PPEF2: variants seen among roughly 807,000 people sequenced by gnomAD.
PPEF2 encodes protein phosphatase with EF-hand domain 2.
A neutral mutation model predicts 84.7 loss-of-function variants in PPEF2; 84 were observed. The observed-to-expected ratio is 0.99, with a 90% CI of 0.83 to 1.19. PPEF2 has a LOEUF of 1.19. Ranked by LOEUF, PPEF2 falls within the 50% of genes most tolerant of loss-of-function variation. The pLI is 0.00. For missense variants in PPEF2, 924 were observed against 937.5 expected, an observed-to-expected ratio of 0.99 and a Z score of 0.19; for synonymous variants, 346 against 345.2, an observed-to-expected ratio of 1.00 and a Z score of -0.03.
chr4:75,870,612 G>T (rs1724244012), intron 13 of PPEF2, among the ~76,000 whole-genome samples: 1 of 152,150 alleles, frequency 6.6e-6, no homozygotes, highest in Non-Finnish European at 1.5e-5. Flanking sequence ...CATCTTCGTT[G>T]TAGGAGGCAA....
At chr4:75,895,344 G>A (rs1157700434) in intron 2 of PPEF2, among the ~76,000 whole-genome samples, 3 of 151,550 alleles carry the variant, frequency 2.0e-5, no homozygotes, top group African/African-American at 4.9e-5. Flanking sequence ...CAGGAGAATC[G>A]CTTGAACCCA....
chr4:75,860,799 G>A lies in PPEF2; in HGVS notation c.2130C>T (p.Gly710=), dbSNP rs754076408. Residue 710 remains glycine (G), a synonymous_variant, in exon 17 of 17, where the codon GGC becomes GGT. Coordinates refer to ENST00000286719, the MANE Select transcript of PPEF2 (RefSeq NM_006239.3). The part of the protein sequence containing the change: ...LARSIDFNKD[G]HIDINEFLEA... ...CCAGGAACTCATTGATATCAATGTG[G>A]CCATCTTTGTTGAAATCAATGCTCC... is the stretch of plus-strand genomic sequence containing the variant. 1 of 1,614,212 alleles carries A rather than the reference G, an allele frequency of 6.2e-7. No homozygotes were observed. The highest frequency in any genetic ancestry group is 1.1e-5 in the South Asian group (1 of 91,082).
chr4:75,891,906 C>A lies in PPEF2; in HGVS notation c.128G>T (p.Cys43Phe). The A allele has an allele frequency of 3.7e-6, 6 of 1,614,094 alleles. No individual in the cohort carries two copies. Among genetic ancestry groups the A allele is most frequent in the Non-Finnish European group, 5.1e-6 (6 of 1,179,984 alleles). The change falls in exon 3 of 17, where the codon TGC becomes TTC. Residue 43 changes from cysteine to phenylalanine, a missense_variant. By Grantham distance (205) the Cys-to-Phe change is radical. Coordinates refer to ENST00000286719, the MANE Select transcript of PPEF2 (RefSeq NM_006239.3). ...YVARLEMRRR[C>F]TWSIFQSIEY... Reference sequence around the variant, plus strand: ...TATAGACTGGAAGATGCTCCAGGTGCAACGCCGCCTCATCTCCAGGCGGGC... The same window carrying A: ...TATAGACTGGAAGATGCTCCAGGTGAAACGCCGCCTCATCTCCAGGCGGGC...
At chr4:75,867,160 T>C (rs1260612778) in intron 14 of PPEF2, among the ~76,000 whole-genome samples, 153 bp downstream of exon 14, 1 of 152,196 alleles carries the variant, frequency 6.6e-6, no homozygotes, top group African/African-American at 2.4e-5. Context: ...TTAGAATAAA[T>C]GAGACATTAA....
intron 14 of PPEF2, 81 bp from the exon 15 acceptor site, chr4:75,866,433 C>T (rs887858503): frequency 1.8e-5 from 28 of 1,513,826 alleles, no homozygotes; most frequent in Non-Finnish European, 2.5e-5. Context: ...TTTATCCTGA[C>T]ATCCTTCTTA....
At chr4:75,891,115 A>C (rs1724869475) in intron 4 of PPEF2, among the ~76,000 whole-genome samples, 1 of 151,598 alleles carries the variant, frequency 6.6e-6, no homozygotes, top group Admixed American at 6.6e-5. Context: ...CGGGAGGTAG[A>C]GGTTGCAGTG....
chr4:75,877,853 C>G (rs969851260), intron 10 of PPEF2, among the ~76,000 whole-genome samples: 2 of 151,890 alleles, frequency 1.3e-5, no homozygotes, highest in Non-Finnish European at 2.9e-5. Flanking sequence ...AAAACCTGGT[C>G]CTTCACATAT....
chr4:75,895,918 A>T lies in PPEF2; in HGVS notation c.55+353T>A, dbSNP rs151072509. ...AATTGTTAGATTGGCCACTAGAGGG[A>T]GCTCATGCTTCCTTCTTCCCACCTC... is the stretch of plus-strand genomic sequence containing the variant. On this transcript the variant is annotated intron_variant, in intron 2 of 16. Coordinates refer to ENST00000286719, the MANE Select transcript of PPEF2 (RefSeq NM_006239.3). Among the ~76,000 whole-genome samples the T allele has an allele frequency of 1.3e-4, 20 of 151,822 alleles. No individual in the cohort carries two copies. In the East Asian group the frequency reaches 3.7e-3, roughly 28 times the overall value.
intron 1 of PPEF2, among the ~76,000 whole-genome samples, chr4:75,901,393 A>G (rs969987872): frequency 6.6e-6 from 1 of 151,966 alleles, no homozygotes; most frequent in African/African-American, 2.4e-5. Flanking sequence ...GCACATGCCT[A>G]TAATACCAGC....
chr4:75,883,122 C>G, intron 9 of PPEF2, 44 bp downstream of exon 9: 2 of 1,613,454 alleles, frequency 1.2e-6, no homozygotes, highest in Non-Finnish European at 1.7e-6. Flanking sequence ...ATTCACTCAA[C>G]TTATCTGAAC....
chr4:75,891,805 G>A (rs1475539606), intron 3 of PPEF2, 46 bp downstream of exon 3: 1 of 1,599,918 alleles, frequency 6.3e-7, no homozygotes, highest in Non-Finnish European at 8.6e-7. Flanking sequence ...GAGCCCTGCT[G>A]CCCAAGGGAG....
chr4:75,888,069 G>T, intron 6 of PPEF2, 145 bp downstream of exon 6: 1 of 632,388 alleles, frequency 1.6e-6, no homozygotes, highest in Non-Finnish European at 2.9e-6. Context: ...AATGTGGAGT[G>T]AATATGCAAA....
rs193180493 is a variant in PPEF2 at position 75,902,256 on chromosome 4, A to G, written c.-85T>C. ...TTCTTTGCTGGGTTTTTTATTTACC[A>G]TGAGACACAACAAGGCAGAAATCTC... On this transcript the variant is annotated 5_prime_UTR_variant, in exon 1 of 17. The change abolishes an upstream ATG in the 5' untranslated region. Transcript: ENST00000286719. The G allele has an allele frequency of 6.6e-6, 1 of 152,214 alleles. No individual in the cohort carries two copies. The highest frequency in any genetic ancestry group is 1.9e-4 in the East Asian group (1 of 5,196). The allele number at this position is 152,214 out of a possible 1,614,324, so 9.4% of individuals were successfully genotyped here.
At chr4:75,886,490 A>C (rs1724729352) in intron 7 of PPEF2, among the ~76,000 whole-genome samples, 3 of 152,228 alleles carry the variant, frequency 2.0e-5, no homozygotes, top group Admixed American at 2.0e-4. Context: ...CGCACTGAGC[A>C]GAGCAGCTCC....
At position 75,891,997 on chromosome 4, in the gene PPEF2, A is replaced by G. The variant is rs1724901101; in HGVS notation, c.56-19T>C. 2 of 1,608,184 alleles carry G rather than the reference A, an allele frequency of 1.2e-6. No homozygotes were observed. ...TTGAAGGCTATGACACCGATGGAGA[A>G]GCAAGCCTGTGAGCTCGGACTCCCT... On this transcript the variant is annotated intron_variant, in intron 2 of 16. Coordinates refer to ENST00000286719, the MANE Select transcript of PPEF2 (RefSeq NM_006239.3).
At chr4:75,899,891 G>C (rs1296843510) in intron 1 of PPEF2, among the ~76,000 whole-genome samples, 1 of 152,150 alleles carries the variant, frequency 6.6e-6, no homozygotes, top group Non-Finnish European at 1.5e-5. Flanking sequence ...TAACTTGCCT[G>C]CATAGCCAAG....
At chr4:75,873,728 C>T (rs183042132) in intron 11 of PPEF2, among the ~76,000 whole-genome samples, 138 of 152,254 alleles carry the variant, frequency 9.1e-4, no homozygotes, top group African/African-American at 3.2e-3. Flanking sequence ...CTTGCATATT[C>T]ACAAGACCCC....
At chr4:75,881,795 T>C (rs1724580468) in intron 10 of PPEF2, 1 of 152,194 alleles carries the variant, frequency 6.6e-6, no homozygotes, top group East Asian at 1.9e-4. Flanking sequence ...AGCCAACAAT[T>C]GCCTATTCCA....
chr4:75,875,223 G>A (rs1724380036), intron 11 of PPEF2, among the ~76,000 whole-genome samples: 1 of 152,044 alleles, frequency 6.6e-6, no homozygotes, highest in African/African-American at 2.4e-5. Context: ...TTCTTTATTG[G>A]GTGAACTGTA....
Sources: gnomAD v4.1 joint callset for allele counts (sites outside exome capture counted in the v4.1 genomes callset) on GRCh38, gnomAD v4.1.1 for gene constraint, MANE v1.5 for transcripts, NCBI Gene and HGNC (gene_info 2026-07-23, HGNC 2026-07-21) for gene names.